KIF9: variants seen among roughly 807,000 people sequenced by gnomAD.
KIF9 encodes kinesin family member 9.
In KIF9, 68 loss-of-function variants were observed where a neutral mutation model predicts 94.8. That is an observed-to-expected ratio of 0.72 (90% CI 0.59 to 0.88). The LOEUF is 0.88. KIF9 is among the 40% of genes least tolerant of loss of function. The pLI is 0.00. For missense variants in KIF9, 882 were observed against 982.5 expected, an observed-to-expected ratio of 0.90 and a Z score of 1.37; for synonymous variants, 343 against 362.1, an observed-to-expected ratio of 0.95 and a Z score of 0.60.
intron 1 of KIF9, among the ~76,000 whole-genome samples, chr3:47,280,323 G>A (rs1224554442): frequency 6.6e-6 from 1 of 152,204 alleles, no homozygotes; most frequent in East Asian, 1.9e-4. Flanking sequence ...GCTCCGAAAG[G>A]GACCATGAAG....
At chr3:47,255,438 G>C (rs1274951893) in intron 10 of KIF9, among the ~76,000 whole-genome samples, 3 of 152,276 alleles carry the variant, frequency 2.0e-5, no homozygotes, top group East Asian at 1.9e-4. Flanking sequence ...ACATAGCGAG[G>C]TGATTCTGAA....
chr3:47,282,747 G>A lies in KIF9; in HGVS notation c.-258C>T. ...GAAAGACTTCGGCGGATGCACATGC[G>A]AAGTCAAGGTCGAGATAGCGAGGGA... On this transcript the variant is annotated 5_prime_UTR_variant, in exon 1 of 21. Coordinates refer to ENST00000684063, the MANE Select transcript of KIF9 (RefSeq NM_182902.4). The A allele has an allele frequency of 2.1e-6, 3 of 1,423,178 alleles. No individual in the cohort carries two copies. The South Asian group carries it at 4.5e-5, about 21-fold the overall frequency. The allele number at this position is 1,423,178 out of a possible 1,614,324, so 88.2% of individuals were successfully genotyped here.
chr3:47,254,381 C>A (rs1700444327), intron 10 of KIF9, among the ~76,000 whole-genome samples: 1 of 152,186 alleles, frequency 6.6e-6, no homozygotes, highest in African/African-American at 2.4e-5. Context: ...TAGCTTGAGC[C>A]TGGGAGGGAG....
intron 17 of KIF9, among the ~76,000 whole-genome samples, chr3:47,239,326 A>G (rs1699294960): frequency 6.6e-6 from 1 of 152,236 alleles, no homozygotes; most frequent in Non-Finnish European, 1.5e-5. Context: ...ATATGTAATA[A>G]GGGGCTGTAT....
intron 9 of KIF9, among the ~76,000 whole-genome samples, chr3:47,260,807 G>A (rs949859916): frequency 2.0e-5 from 3 of 152,182 alleles, no homozygotes; most frequent in African/African-American, 7.2e-5. Context: ...GTGCCTGGGT[G>A]GGGCCTGGGA....
rs1289897185 is a variant in KIF9, at chr3:47,264,367, A to C, written c.917-17T>G. On this transcript the variant is annotated splice_polypyrimidine_tract_variant and intron_variant, in intron 8 of 20. Coordinates refer to ENST00000684063, the MANE Select transcript of KIF9 (RefSeq NM_182902.4). ...AGTTTCCCCCTGCGGAAAGCAAGAC[A>C]CAGAAGGGCTATGAACCATGTGTTT... The C allele has an allele frequency of 8.1e-6, 13 of 1,607,860 alleles. No individual in the cohort carries two copies. Among genetic ancestry groups the C allele is most frequent in the Non-Finnish European group, 1.0e-5 (12 of 1,174,514 alleles).
chr3:47,279,254 C>T (rs1702170906), intron 1 of KIF9, among the ~76,000 whole-genome samples: 3 of 150,978 alleles, frequency 2.0e-5, no homozygotes, highest in Non-Finnish European at 2.9e-5. Context: ...TGGCAGATTA[C>T]CTGAGGTTAG....
intron 10 of KIF9, among the ~76,000 whole-genome samples, chr3:47,249,321 T>A (rs1448537554): frequency 2.0e-5 from 3 of 151,672 alleles, no homozygotes; most frequent in Non-Finnish European, 4.4e-5. Flanking sequence ...AATTTTTGTA[T>A]TTTTAGTAGA....
At chr3:47,245,156 T>C in intron 14 of KIF9, 1 of 608,440 alleles carries the variant, frequency 1.6e-6, no homozygotes, top group Non-Finnish European at 2.9e-6. Flanking sequence ...CCTCATTCCA[T>C]ACTCTGGGGA....
At chr3:47,231,431 T>A (rs930887152) in intron 20 of KIF9, among the ~76,000 whole-genome samples, 1 of 119,200 alleles carries the variant, frequency 8.4e-6, no homozygotes, top group Non-Finnish European at 1.8e-5. Context: ...TTTTTTTTTT[T>A]AGACAGTTTC....
At position 47,257,522 on chromosome 3, in the gene KIF9, G is replaced by T; in HGVS notation, c.1020C>A (p.Val340=). The change falls in exon 10 of 21, where the codon GTC becomes GTA. Residue 340 remains valine, a synonymous_variant. Coordinates refer to ENST00000684063, the MANE Select transcript of KIF9 (RefSeq NM_182902.4). ...TTTCATTGATGGCAGGCTCAGTGGT[G>T]ACTAGCTTCATCCTGCTGGCAAATC... is the stretch of plus-strand genomic sequence containing the variant. ...SLRFASRMKL[V]TTEPAINEKY... 6.2e-7 allele frequency: 1 copy of T among 1,613,986 alleles called. No individual in the cohort carries two copies.
intron 10 of KIF9, among the ~76,000 whole-genome samples, chr3:47,257,079 C>T (rs2107347817): frequency 6.6e-6 from 1 of 152,168 alleles, no homozygotes; most frequent in Admixed American, 6.5e-5. Context: ...ACCTTCCCTC[C>T]ACTATGGTCC....
intron 9 of KIF9, among the ~76,000 whole-genome samples, chr3:47,262,062 G>A (rs963400974): frequency 3.3e-5 from 5 of 152,272 alleles, no homozygotes; most frequent in Middle Eastern, 3.4e-3. Flanking sequence ...TCTGGGTTCC[G>A]TCCTGGGCAG....
At chr3:47,259,149 C>T (rs1700804135) in intron 9 of KIF9, among the ~76,000 whole-genome samples, 1 of 152,226 alleles carries the variant, frequency 6.6e-6, no homozygotes, top group South Asian at 2.1e-4. Context: ...TCTAGCCACA[C>T]ATGCTAAGAA....
Position 47,271,349 on chromosome 3 carries a change from C to G in KIF9, c.479G>C (p.Gly160Ala), listed in dbSNP as rs1414604923. Residue 160 changes from glycine to alanine, a missense_variant, in exon 5 of 21, where the codon GGA becomes GCA. Transcript: ENST00000684063. ...GATGGTCATTGGTGTGACTGAGGGT[C>G]CAACATAGGGCAGAGTGGACAGGAG... ...FDLLSTLPYVGPSVTPMTIVE... is the reference protein window; with the variant it reads ...FDLLSTLPYVAPSVTPMTIVE... 1 of 1,613,860 alleles carries G rather than the reference C, an allele frequency of 6.2e-7. No homozygotes were observed. Among genetic ancestry groups the G allele is most frequent in the African/African-American group, 1.3e-5 (1 of 74,950 alleles).
intron 1 of KIF9, 172 bp downstream of exon 1, chr3:47,282,323 G>A: frequency 7.1e-6 from 7 of 986,196 alleles, no homozygotes; most frequent in Non-Finnish European, 8.4e-6. Flanking sequence ...CCGCGGTCAG[G>A]TTGAAAGGAC....
At chr3:47,270,264 T>C (rs982622139) in intron 5 of KIF9, among the ~76,000 whole-genome samples, 1 of 151,674 alleles carries the variant, frequency 6.6e-6, no homozygotes, top group African/African-American at 2.4e-5. Flanking sequence ...TTTTCTTTTT[T>C]TTTTTTGAGA....
At chr3:47,237,345 C>T (rs565847272) in intron 17 of KIF9, among the ~76,000 whole-genome samples, 27 of 152,300 alleles carry the variant, frequency 1.8e-4, no homozygotes, top group African/African-American at 6.3e-4. Context: ...CCGCCCGCCT[C>T]GGCCTCCCAA....
intron 1 of KIF9, 99 bp from the exon 2 acceptor site, chr3:47,277,478 C>A: frequency 1.2e-6 from 1 of 808,522 alleles, no homozygotes. Context: ...GAGTGACGAG[C>A]AGTCCATTTT....
Sources: gnomAD v4.1 joint callset for allele counts (sites outside exome capture counted in the v4.1 genomes callset) on GRCh38, gnomAD v4.1.1 for gene constraint, MANE v1.5 for transcripts, NCBI Gene and HGNC (gene_info 2026-07-23, HGNC 2026-07-21) for gene names.